The following UBE2N variants were observed in gnomAD, a reference collection of about 807,000 sequenced individuals.
The protein encoded by UBE2N is ubiquitin-conjugating enzyme E2 N.
For synonymous variants in UBE2N, 70 were observed against 69.2 expected, an observed-to-expected ratio of 1.01 and a Z score of -0.06; for missense variants, 60 against 192.1, an observed-to-expected ratio of 0.31 and a Z score of 4.07.
At chr12:93,421,393 G>A (rs1029797184) in intron 1 of UBE2N, among the ~76,000 whole-genome samples, 7 of 152,052 alleles carry the variant, frequency 4.6e-5, no homozygotes, top group African/African-American at 1.2e-4. Flanking sequence ...TAGTAGAGAC[G>A]GAGTTTCACC....
chr12:93,432,748 A>G (rs1323625295), intron 1 of UBE2N, among the ~76,000 whole-genome samples: 1 of 152,182 alleles, frequency 6.6e-6, no homozygotes, highest in Non-Finnish European at 1.5e-5. Flanking sequence ...TGAAAATCTA[A>G]AGACAACATA....
chr12:93,426,927 C>T (rs1032732627), intron 1 of UBE2N, among the ~76,000 whole-genome samples: 1 of 151,712 alleles, frequency 6.6e-6, no homozygotes, highest in Admixed American at 6.6e-5. Context: ...TTATGTGTGG[C>T]CTAAGACAAT....
At chr12:93,435,017 T>C (rs890496647) in intron 1 of UBE2N, among the ~76,000 whole-genome samples, 3 of 152,266 alleles carry the variant, frequency 2.0e-5, no homozygotes, top group Admixed American at 6.5e-5. Flanking sequence ...GGGATCTTCC[T>C]GCCTCAGTCT....
At chr12:93,427,758 CA>C (rs1213009455) in intron 1 of UBE2N, among the ~76,000 whole-genome samples, 1 of 151,718 alleles carries the variant, frequency 6.6e-6, no homozygotes, top group Admixed American at 6.6e-5. Context: ...AATTATACCT[CA>C]AAAAAATAAA....
chr12:93,418,854 C>A (rs1592743495), intron 1 of UBE2N, among the ~76,000 whole-genome samples: 1 of 152,040 alleles, frequency 6.6e-6, no homozygotes, highest in East Asian at 1.9e-4. Context: ...TTTATCATAG[C>A]CTTCAATGCC....
intron 1 of UBE2N, among the ~76,000 whole-genome samples, chr12:93,416,146 T>C (rs1878200239): frequency 6.6e-6 from 1 of 152,172 alleles, no homozygotes; most frequent in African/African-American, 2.4e-5. Flanking sequence ...AAACTGTTGG[T>C]TTCCCTAACA....
At position 93,423,720 on chromosome 12, in the gene UBE2N, C is replaced by A. The variant is rs61934304; in HGVS notation, c.31-12421G>T. Reference sequence around the variant, plus strand: ...AACATTTAAAAGGTTCTCTATAGCACCAAAATTGTCTGAATACTTTATTAT... The same window carrying A: ...AACATTTAAAAGGTTCTCTATAGCAACAAAATTGTCTGAATACTTTATTAT... On this transcript the variant is annotated intron_variant, in intron 1 of 3. Transcript: ENST00000318066. 4.3e-3 allele frequency among the ~76,000 whole-genome samples: 653 copies of A among 152,242 alleles called. 2 individuals are homozygous for A. Among genetic ancestry groups the A allele is most frequent in the Non-Finnish European group, 5.8e-3 (396 of 68,016 alleles).
At chr12:93,441,154 T>C (rs947344800) in intron 1 of UBE2N, 6 of 152,246 alleles carry the variant, frequency 3.9e-5, no homozygotes, top group Middle Eastern at 3.0e-3. Context: ...CAGAGTAAAA[T>C]CACTTCGCAG....
At position 93,407,072 on chromosome 12, in the gene UBE2N, T is replaced by G. The variant is rs1877861675; in HGVS notation, c.*2967A>C. 6.6e-6 allele frequency: 1 copy of G among 152,244 alleles called. No homozygotes were observed. The highest frequency in any genetic ancestry group is 2.4e-5 in the African/African-American group (1 of 41,440). The allele number at this position is 152,244 out of a possible 1,614,324, so 9.4% of individuals were successfully genotyped here. On this transcript the variant is annotated 3_prime_UTR_variant, in exon 4 of 4. Coordinates refer to ENST00000318066, the MANE Select transcript of UBE2N (RefSeq NM_003348.4). ...TATGTTAGCCAGGCTGGTCACAAAC[T>G]CCTGGACTCAAGTGATCCTCCTGCC...
At position 93,408,227 on chromosome 12, in the gene UBE2N, G is replaced by A. The variant is rs750529008; in HGVS notation, c.*1812C>T. 6.6e-6 allele frequency: 1 copy of A among 152,132 alleles called. No homozygotes were observed. The highest frequency in any genetic ancestry group is 2.4e-5 in the African/African-American group (1 of 41,416). The allele number at this position is 152,132 out of a possible 1,614,324, so 9.4% of individuals were successfully genotyped here. A position where few individuals can be genotyped will look rare whatever the true frequency, so the allele number is the denominator to read the frequency against. On this transcript the variant is annotated 3_prime_UTR_variant, in exon 4 of 4. Coordinates refer to ENST00000318066, the MANE Select transcript of UBE2N (RefSeq NM_003348.4). ...GTACCCTTTAAACAGCCCAAGAATT[G>A]TTATAAATGACAGCTGCTATCAGTT...
chr12:93,437,063 G>C (rs1030686261), intron 1 of UBE2N, among the ~76,000 whole-genome samples: 1 of 151,966 alleles, frequency 6.6e-6, no homozygotes, highest in Non-Finnish European at 1.5e-5. Flanking sequence ...AGGAGCTCGA[G>C]AACAGCCTAG....
intron 1 of UBE2N, among the ~76,000 whole-genome samples, chr12:93,423,204 T>C (rs1878472214): frequency 6.6e-6 from 1 of 152,254 alleles, no homozygotes; most frequent in African/African-American, 2.4e-5. Flanking sequence ...TTCTGAAGTT[T>C]GTTCCTGGCT....
chr12:93,436,786 GC>G (rs1394465359), intron 1 of UBE2N, among the ~76,000 whole-genome samples: 1 of 152,170 alleles, frequency 6.6e-6, no homozygotes, highest in Non-Finnish European at 1.5e-5. Context: ...GGCTAAAAGA[GC>G]TTTGGTCCAG....
chr12:93,434,126 C>A (rs1878851238), intron 1 of UBE2N, among the ~76,000 whole-genome samples: 1 of 152,052 alleles, frequency 6.6e-6, no homozygotes, highest in South Asian at 2.1e-4. Context: ...CCCGTCTCTA[C>A]TAAAAATAAA....
chr12:93,413,905 T>C (rs1878112292), intron 1 of UBE2N, among the ~76,000 whole-genome samples: 1 of 152,246 alleles, frequency 6.6e-6, no homozygotes, highest in Non-Finnish European at 1.5e-5. Context: ...CTCACGCCTG[T>C]AATCCCAGCA....
intron 1 of UBE2N, among the ~76,000 whole-genome samples, chr12:93,438,184 C>T (rs1048041036): frequency 5.3e-5 from 8 of 152,168 alleles, no homozygotes; most frequent in African/African-American, 1.7e-4. Flanking sequence ...GAGCAATGCC[C>T]GGGATATCCA....
chr12:93,416,368 C>T lies in UBE2N; in HGVS notation c.31-5069G>A, dbSNP rs866650109. ...AAATACCTTCTGGTTTTACACTATTCTTTGGTGGAAAGACAGAGTACAGTA... is the reference window on the plus strand; with the variant it reads ...AAATACCTTCTGGTTTTACACTATTTTTTGGTGGAAAGACAGAGTACAGTA... On this transcript the variant is annotated intron_variant, in intron 1 of 3. Transcript: ENST00000318066. Among the ~76,000 whole-genome samples the T allele has an allele frequency of 4.3e-4, 66 of 152,120 alleles. No individual in the cohort carries two copies. The Middle Eastern group carries it at 0.017, about 40-fold the overall frequency.
chr12:93,415,027 G>T (rs530298095), intron 1 of UBE2N, among the ~76,000 whole-genome samples: 21 of 152,236 alleles, frequency 1.4e-4, no homozygotes, highest in African/African-American at 4.8e-4. Context: ...CATCATTAAG[G>T]CAGGGTTATT....
In UBE2N at chr12:93,408,892, G is replaced by C. The variant is rs1023440363; in HGVS notation, c.*1147C>G. ...CAGATCAGTGTTTCTTAACACACAT[G>C]AAAGGTTACAGATGAAATTTTCAGA... is the stretch of plus-strand genomic sequence containing the variant. On this transcript the variant is annotated 3_prime_UTR_variant, in exon 4 of 4. Coordinates refer to ENST00000318066, the MANE Select transcript of UBE2N (RefSeq NM_003348.4). 1 of 152,600 alleles carries C rather than the reference G, an allele frequency of 6.6e-6. No individual in the cohort carries two copies. The highest frequency in any genetic ancestry group is 2.1e-4 in the South Asian group (1 of 4,828). 9.5% of individuals were successfully genotyped at this position (152,600 alleles called of 1,614,324 possible).
Sources: gnomAD v4.1 joint callset for allele counts (sites outside exome capture counted in the v4.1 genomes callset) on GRCh38, gnomAD v4.1.1 for gene constraint, MANE v1.5 for transcripts, NCBI Gene and HGNC (gene_info 2026-07-23, HGNC 2026-07-21) for gene names.